Variants in TTC3 observed in about 807,000 individuals in gnomAD.
TTC3 encodes the protein E3 ubiquitin-protein ligase TTC3.
TTC3 carries 180 observed loss-of-function variants against 249.6 expected under a neutral mutation model. The ratio of observed to expected loss-of-function variants is 0.72; its 90% CI spans 0.64 to 0.82. The LOEUF (loss-of-function observed/expected upper bound fraction) is 0.82, where lower values mean the gene tolerates loss of function less well. Among genes scored for constraint, TTC3 ranks in the 40% least tolerant of loss-of-function variants. The pLI is 0.00. For synonymous variants in TTC3, 717 were observed against 805.0 expected (o/e 0.89, Z 1.85); for missense variants, 2,061 against 2,398.4 (o/e 0.86, Z 2.94).
intron 23 of TTC3, 65 bp from the exon 24 acceptor site, chr21:37,150,013 C>T (rs953754967): frequency 1.0e-5 from 12 of 1,146,090 alleles, no homozygotes; most frequent in African/African-American, 7.9e-5. Context: ...AAATAGTATA[C>T]GTGTATAGAT....
exon 19 of TTC3, chr21:37,138,670 G>T (rs1481898353): frequency 6.2e-7 from 1 of 1,612,444 alleles, no homozygotes; most frequent in East Asian, 2.2e-5. Flanking sequence ...TGTTTTGGTC[G>T]TCTATGGACT....
At chr21:37,184,779 A>AT (rs1220438797) in intron 36 of TTC3, among the ~76,000 whole-genome samples, 1 of 151,756 alleles carries the variant, frequency 6.6e-6, no homozygotes, top group African/African-American at 2.4e-5. Context: ...TGCTTTTTAC[A>AT]TTTTCCAAAT....
intron 11 of TTC3, among the ~76,000 whole-genome samples, chr21:37,114,350 C>A (rs1408240726): frequency 2.0e-5 from 3 of 152,232 alleles, no homozygotes; most frequent in South Asian, 2.1e-4. Flanking sequence ...AAGAAAAAAA[C>A]AACCCCATCA....
intron 10 of TTC3, among the ~76,000 whole-genome samples, chr21:37,099,285 A>G (rs566081323): frequency 1.3e-5 from 2 of 152,354 alleles, no homozygotes; most frequent in South Asian, 2.1e-4. Flanking sequence ...CACTGTTCTG[A>G]GCATTTAATG....
At position 37,087,513 on chromosome 21, in the gene TTC3, A is replaced by G. The variant is rs574472067; in HGVS notation, c.144+112A>G. The G allele has an allele frequency of 6.8e-6, 9 of 1,315,414 alleles. No individual in the cohort carries two copies. In the South Asian group the frequency reaches 9.8e-5, roughly 14 times the overall value. The allele number at this position is 1,315,414 out of a possible 1,614,324, so 81.5% of individuals were successfully genotyped here. Reference sequence around the variant, plus strand: ...GGTACGTGCGTTTTGACAGGGAGGTACACATGCTGTTGAAAAGTTGATTTG... The same window carrying G: ...GGTACGTGCGTTTTGACAGGGAGGTGCACATGCTGTTGAAAAGTTGATTTG... On this transcript the variant is annotated intron_variant, in intron 2 of 45. Coordinates refer to ENST00000355666, the Ensembl canonical transcript of TTC3.
chr21:37,082,403 T>C lies in TTC3; in HGVS notation c.-11-4844T>C, dbSNP rs4817847. On this transcript the variant is annotated intron_variant, in intron 1 of 45. Coordinates refer to ENST00000355666, the Ensembl canonical transcript of TTC3. ...ACCTCATGTGTTTGGTGATCATTGATTATGAACTTCTGTTTGATCTTTGTG... is the reference window on the plus strand; with the variant it reads ...ACCTCATGTGTTTGGTGATCATTGACTATGAACTTCTGTTTGATCTTTGTG... 0.016 allele frequency: 12,894 copies of C among 793,010 alleles called. 576 individuals carry two copies. In the East Asian group the frequency reaches 0.24, roughly 15 times the overall value. The allele number at this position is 793,010 out of a possible 1,614,324, so 49.1% of individuals were successfully genotyped here. A position where few individuals can be genotyped will look rare whatever the true frequency, so the allele number is the denominator to read the frequency against.
chr21:37,159,254 G>GT (rs11418604), intron 28 of TTC3, among the ~76,000 whole-genome samples: 152,236 of 152,236 alleles, frequency 1, 76,118 homozygotes, highest in Non-Finnish European at 1. Flanking sequence ...CTACCTCAGA[G>GT]CTTCTTTGCC....
intron 10 of TTC3, 104 bp from the exon 11 acceptor site, chr21:37,108,288 G>A (rs1568936514): frequency 2.5e-6 from 2 of 802,738 alleles, no homozygotes; most frequent in East Asian, 3.0e-5. Context: ...ATTATCTTTT[G>A]ACTAGATAAT....
chr21:37,121,818 G>T, exon 12 of TTC3: 1 of 1,579,298 alleles, frequency 6.3e-7, no homozygotes, highest in Middle Eastern at 2.2e-4. Flanking sequence ...TTGGAACAGG[G>T]TCATTATCGT....
intron 22 of TTC3, 70 bp from the exon 23 acceptor site, chr21:37,148,476 G>A: frequency 2.9e-6 from 2 of 683,686 alleles, no homozygotes; most frequent in Non-Finnish European, 4.7e-6. Flanking sequence ...CTGTCTTTAT[G>A]TATGTTGTAG....
chr21:37,123,879 G>C (rs1311041815), intron 13 of TTC3, among the ~76,000 whole-genome samples: 1 of 151,660 alleles, frequency 6.6e-6, no homozygotes, highest in Non-Finnish European at 1.5e-5. Context: ...CTCTTGAGTA[G>C]CTGGGGCCAC....
At chr21:37,083,258 G>A in intron 1 of TTC3, 5 of 985,462 alleles carry the variant, frequency 5.1e-6, no homozygotes, top group Non-Finnish European at 6.0e-6. Context: ...TAGGTTGTGT[G>A]TTGTGGAGTG....
intron 31 of TTC3, among the ~76,000 whole-genome samples, chr21:37,163,700 G>A (rs2080988298): frequency 6.6e-6 from 1 of 152,174 alleles, no homozygotes; most frequent in African/African-American, 2.4e-5. Flanking sequence ...CTCACTTTAA[G>A]TTAATTTATA....
chr21:37,202,648 T>C (rs746871900), exon 46 of TTC3: 2 of 152,148 alleles, frequency 1.3e-5, no homozygotes, highest in African/African-American at 4.8e-5. Context: ...CATGAAAAAA[T>C]TAGATATTGT....
At chr21:37,100,148 G>T (rs1333173134) in intron 10 of TTC3, among the ~76,000 whole-genome samples, 10 of 152,148 alleles carry the variant, frequency 6.6e-5, no homozygotes. Context: ...GGAGTTGGGA[G>T]GGGTGGTACA....
At chr21:37,199,489 T>C (rs868194214) in intron 44 of TTC3, among the ~76,000 whole-genome samples, 6 of 152,240 alleles carry the variant, frequency 3.9e-5, no homozygotes, top group Non-Finnish European at 7.3e-5. Flanking sequence ...CTCACCAGAC[T>C]GTGAGCCGCT....
intron 22 of TTC3, among the ~76,000 whole-genome samples, chr21:37,148,257 T>G (rs915768053): frequency 6.6e-6 from 1 of 152,208 alleles, no homozygotes; most frequent in African/African-American, 2.4e-5. Flanking sequence ...GATCATTGAA[T>G]TAGCTGTTAG....
chr21:37,095,527 G>A (rs1259184754), intron 9 of TTC3, 83 bp downstream of exon 9: 7 of 901,392 alleles, frequency 7.8e-6, no homozygotes, highest in African/African-American at 5.2e-5. Context: ...AAAACAAGAC[G>A]GAGAATTGGA....
rs577958384 is a variant in TTC3, at chr21:37,160,858, G to T, written c.3096G>T (p.Lys1032Asn). 6.2e-7 allele frequency: 1 copy of T among 1,612,388 alleles called. No individual in the cohort carries two copies. The highest frequency in any genetic ancestry group is 1.3e-5 in the African/African-American group (1 of 74,852). ...AGAAAAAGAAGCCAAAGGATTCAAA[G>T]GTATGGAGTATTTTCTGTATTAATT... Residue 1032 changes from lysine to asparagine, a missense_variant and splice_region_variant, in exon 30 of 46, where the codon AAG becomes AAT. Physicochemically the swap from Lys to Asn is moderately conservative, Grantham distance 94. This residue lies in a region of TTC3 where 1,040 missense variants were observed against 1,186.1 expected (regional missense o/e 0.88). Coordinates refer to ENST00000355666, the Ensembl canonical transcript of TTC3.
Sources: allele counts gnomAD v4.1 joint callset (sites outside exome capture counted in the v4.1 genomes callset), GRCh38; gene constraint gnomAD v4.1.1; regional missense constraint gnomAD v4.1.1; transcripts MANE v1.5; gene names NCBI Gene and HGNC (gene_info 2026-07-23, HGNC 2026-07-21).